The following CENPE variants were observed in gnomAD, a reference collection of about 807,000 sequenced individuals.
CENPE encodes the protein centromere-associated protein E.
In CENPE, 145 loss-of-function variants were observed where a neutral mutation model predicts 336.1. The observed-to-expected ratio is 0.43, with a 90% confidence interval of 0.38 to 0.50. The LOEUF (loss-of-function observed/expected upper bound fraction) is 0.50. Ranked by LOEUF, CENPE falls within the 20% of genes least tolerant of loss-of-function variation. The pLI is 0.00. For missense variants in CENPE, 2,719 were observed against 3,023.3 expected (o/e 0.90, Z 2.36); for synonymous variants, 1,013 against 984.8 (o/e 1.03, Z -0.54).
At chr4:103,160,523 T>C (rs1754349701) in intron 21 of CENPE, 102 bp downstream of exon 21, 1 of 926,168 alleles carries the variant, frequency 1.1e-6, no homozygotes, top group South Asian at 1.7e-5. Flanking sequence ...GTATCTCTCT[T>C]GTCTGCTAGT....
At chr4:103,107,506 C>T (rs1449252450) in intron 48 of CENPE, among the ~76,000 whole-genome samples, 1 of 152,156 alleles carries the variant, frequency 6.6e-6, no homozygotes, top group Admixed American at 6.5e-5. Flanking sequence ...AGTTGCATAA[C>T]AGGGTACCTC....
chr4:103,151,592 C>T (rs1238299309), intron 25 of CENPE, among the ~76,000 whole-genome samples: 1 of 152,150 alleles, frequency 6.6e-6, no homozygotes, highest in Non-Finnish European at 1.5e-5. Context: ...AATTTACATT[C>T]CTACCATGAG....
chr4:103,145,083 T>A lies in CENPE; in HGVS notation c.4824A>T (p.Gln1608His), dbSNP rs146990718. Residue 1608 changes from glutamine to histidine, a missense_variant, in exon 32 of 49, where the codon CAA (glutamine) becomes CAT (histidine). Gln to His is a conservative substitution (Grantham distance 24). Transcript: ENST00000265148. ...CAATTTCTTTAGTGTTTTCTTTCAG[T>A]TGGTCTCTCTCTATCTGAAGGGCCT... ...VQEALQIERD[Q>H]LKENTKEIVA... 494 of 1,539,000 alleles carry A rather than the reference T, an allele frequency of 3.2e-4. No homozygotes were observed. The highest frequency in any genetic ancestry group is 4.0e-4 in the Non-Finnish European group (463 of 1,147,560).
intron 8 of CENPE, among the ~76,000 whole-genome samples, chr4:103,193,379 TTAAG>T (rs1294825984): frequency 1.1e-4 from 16 of 152,130 alleles, no homozygotes; most frequent in Non-Finnish European, 1.8e-4. Context: ...GGATTGAATA[TTAAG>T]TAATTAATAA....
chr4:103,196,418 A>G (rs1420982985), intron 2 of CENPE, among the ~76,000 whole-genome samples, 166 bp from the exon 3 acceptor site: 2 of 152,126 alleles, frequency 1.3e-5, no homozygotes, highest in Non-Finnish European at 2.9e-5. Context: ...CTCTGAAAAT[A>G]CCCTTCCCTA....
chr4:103,190,834 A>G (rs151113663), intron 8 of CENPE, among the ~76,000 whole-genome samples: 23,735 of 152,160 alleles, frequency 0.16, 2,066 homozygotes, highest in South Asian at 0.3. Context: ...CAGCAAAAGA[A>G]ACTACCATCA....
At chr4:103,174,508 C>T (rs933097986) in intron 16 of CENPE, among the ~76,000 whole-genome samples, 8 of 151,922 alleles carry the variant, frequency 5.3e-5, no homozygotes, top group Non-Finnish European at 1.0e-4. Flanking sequence ...TATGTGCTAT[C>T]ACCACAAAAA....
chr4:103,149,107 G>A lies in CENPE; in HGVS notation c.3687+11C>T, dbSNP rs960269141. 1 of 1,584,740 alleles carries A rather than the reference G, an allele frequency of 6.3e-7. No homozygotes were observed. ...AACACTTAATAGATGAAGGAAAAGG[G>A]TATAACTTACTGTAGCTTCAATTTC... On this transcript the variant is annotated intron_variant, in intron 27 of 48. Transcript: ENST00000265148.
intron 44 of CENPE, among the ~76,000 whole-genome samples, chr4:103,119,285 T>G (rs2125860586): frequency 6.6e-6 from 1 of 152,322 alleles, no homozygotes; most frequent in African/African-American, 2.4e-5. Flanking sequence ...GTTTTTTCAT[T>G]GGCCTCTAGA....
intron 24 of CENPE, among the ~76,000 whole-genome samples, chr4:103,156,708 C>T (rs1753985277): frequency 6.6e-6 from 1 of 151,716 alleles, no homozygotes; most frequent in South Asian, 2.1e-4. Flanking sequence ...ACACAGGCAA[C>T]AAGAGTAAAA....
rs113054847 is a variant in CENPE, at chr4:103,170,921, A to G, written c.1647+3815T>C. ...TCAGCTAAAATAGACTTTACATCAA[A>G]AACTGTGAAAAGAGACAAGGTCATT... On this transcript the variant is annotated intron_variant, in intron 16 of 48. Transcript: ENST00000265148. Among the ~76,000 whole-genome samples, 254 of 152,298 alleles carry G rather than the reference A, an allele frequency of 1.7e-3. 3 individuals are homozygous for G. The highest frequency in any genetic ancestry group is 5.7e-3 in the African/African-American group (238 of 41,588).
At chr4:103,126,706 T>A (rs1467226955) in intron 42 of CENPE, among the ~76,000 whole-genome samples, 1 of 151,874 alleles carries the variant, frequency 6.6e-6, no homozygotes, top group Non-Finnish European at 1.5e-5. Context: ...CAAGAACAAA[T>A]AAACAATGTA....
chr4:103,159,465 T>C, intron 21 of CENPE, 141 bp from the exon 22 acceptor site: 1 of 483,706 alleles, frequency 2.1e-6, no homozygotes, highest in Non-Finnish European at 3.6e-6. Flanking sequence ...AATATAGTAG[T>C]ACTCTTATTG....
chr4:103,144,657 T>A, intron 32 of CENPE, 39 bp from the exon 33 acceptor site: 6 of 1,401,310 alleles, frequency 4.3e-6, no homozygotes, highest in Non-Finnish European at 5.9e-6. Context: ...ATAGGCAGAA[T>A]TTTTTTAGGA....
chr4:103,157,838 T>C (rs1754086726), intron 24 of CENPE, among the ~76,000 whole-genome samples: 1 of 151,988 alleles, frequency 6.6e-6, no homozygotes, highest in African/African-American at 2.4e-5. Context: ...TTTAAAATTC[T>C]AGCAGTAAAT....
chr4:103,159,039 C>G lies in CENPE; in HGVS notation c.2572G>C (p.Asp858His). 1 of 1,534,764 alleles carries G rather than the reference C, an allele frequency of 6.5e-7. No homozygotes were observed. Among genetic ancestry groups the G allele is most frequent in the Non-Finnish European group, 8.7e-7 (1 of 1,148,078 alleles). Residue 858 changes from aspartate (D) to histidine (H), a missense_variant, in exon 22 of 49, where the codon GAT becomes CAT. Coordinates refer to ENST00000265148, the MANE Select transcript of CENPE (RefSeq NM_001813.3). Reference protein sequence around the residue: ...VNLSKEAQKFDSSLGALKTEL... With the variant: ...VNLSKEAQKFHSSLGALKTEL... ...GTCTTCAAAGCACCCAAACTCGAAT[C>G]AAATTTTTGGGCTTCTTTAGAGAGA...
At chr4:103,154,753 T>C (rs1457417366) in intron 24 of CENPE, among the ~76,000 whole-genome samples, 1 of 152,156 alleles carries the variant, frequency 6.6e-6, no homozygotes, top group African/African-American at 2.4e-5. Context: ...AAATAAAAAA[T>C]TATTAGAACC....
chr4:103,115,964 C>T (rs1181274727), intron 45 of CENPE, among the ~76,000 whole-genome samples: 1 of 151,998 alleles, frequency 6.6e-6, no homozygotes, highest in Non-Finnish European at 1.5e-5. Context: ...ATCTCCTGAC[C>T]TCGTGATTTG....
At chr4:103,182,912 C>T (rs867368519) in intron 10 of CENPE, 21 bp from the exon 11 acceptor site, 4 of 1,603,328 alleles carry the variant, frequency 2.5e-6, no homozygotes, top group Non-Finnish European at 2.6e-6. Context: ...AATAAGTTTA[C>T]AGGAGAAAAA....
Sources: allele counts gnomAD v4.1 joint callset (sites outside exome capture counted in the v4.1 genomes callset), GRCh38; gene constraint gnomAD v4.1.1; transcripts MANE v1.5; gene names NCBI Gene and HGNC (gene_info 2026-07-23, HGNC 2026-07-21).